Variants in TLK2 observed in about 807,000 individuals in gnomAD.
The protein encoded by TLK2 is tousled like kinase 2.
A neutral mutation model predicts 117.3 loss-of-function variants in TLK2; 6 were observed. That is an observed-to-expected ratio of 0.05 (90% CI 0.03 to 0.10). The LOEUF is 0.10. Ranked by LOEUF, TLK2 falls within the 10% of genes least tolerant of loss-of-function variation. The pLI is 1.00. For synonymous variants in TLK2, 257 were observed against 316.7 expected, an observed-to-expected ratio of 0.81 and a Z score of 2.00; for missense variants, 299 against 901.2, an observed-to-expected ratio of 0.33 and a Z score of 8.56.
At chr17:62,558,288 G>T (rs141707079) in intron 9 of TLK2, among the ~76,000 whole-genome samples, 1 of 151,844 alleles carries the variant, frequency 6.6e-6, no homozygotes, top group Non-Finnish European at 1.5e-5. Flanking sequence ...TCAGCCTCCC[G>T]AACAGCTGGC....
At chr17:62,501,839 C>T (rs1465011257) in intron 2 of TLK2, among the ~76,000 whole-genome samples, 2 of 151,778 alleles carry the variant, frequency 1.3e-5, no homozygotes, top group Admixed American at 6.6e-5. Context: ...TGGTGGTGCA[C>T]GCCTGTGGTC....
chr17:62,484,383 G>A (rs1457868416), intron 2 of TLK2, among the ~76,000 whole-genome samples: 1 of 151,574 alleles, frequency 6.6e-6, no homozygotes, highest in African/African-American at 2.4e-5. Flanking sequence ...TGCAACCTCC[G>A]CTTCCTGGGT....
chr17:62,564,259 CG>C (rs1374804831), intron 10 of TLK2, among the ~76,000 whole-genome samples: 1 of 151,752 alleles, frequency 6.6e-6, no homozygotes, highest in African/African-American at 2.4e-5. Context: ...AAAAATTGGC[CG>C]GGTGTGGTGG....
upstream of TLK2, chr17:62,477,678 C>T (rs1022963845): frequency 2.6e-5 from 4 of 152,232 alleles, no homozygotes; most frequent in East Asian, 1.9e-4. Context: ...ATCAAGGCAG[C>T]ATCCGCGGAA....
At chr17:62,545,548 C>A (rs372361506) in intron 7 of TLK2, among the ~76,000 whole-genome samples, 2 of 151,874 alleles carry the variant, frequency 1.3e-5, no homozygotes, top group African/African-American at 4.8e-5. Flanking sequence ...ACCCAGGAGA[C>A]GGAGGTTGCA....
chr17:62,531,716 A>T (rs746487618), intron 6 of TLK2, among the ~76,000 whole-genome samples: 1 of 152,044 alleles, frequency 6.6e-6, no homozygotes, highest in Non-Finnish European at 1.5e-5. Flanking sequence ...TACCTCTTTT[A>T]TATACCACTT....
intron 2 of TLK2, among the ~76,000 whole-genome samples, chr17:62,482,419 G>A (rs1294691794): frequency 6.6e-6 from 1 of 150,830 alleles, no homozygotes; most frequent in Admixed American, 6.6e-5. Context: ...GGGTCTCACA[G>A]TTTTGGTGAG....
chr17:62,504,654 T>TA (rs1205812542), intron 2 of TLK2, among the ~76,000 whole-genome samples: 2 of 151,880 alleles, frequency 1.3e-5, no homozygotes, highest in Non-Finnish European at 2.9e-5. Flanking sequence ...AAAATTAAAT[T>TA]AAAAAAAGCC....
chr17:62,573,081 A>G (rs2080441272), intron 11 of TLK2, 134 bp from the exon 12 acceptor site: 1 of 989,968 alleles, frequency 1.0e-6, no homozygotes, highest in Non-Finnish European at 1.5e-6. Context: ...TGAAGTTAAA[A>G]TCAAATCTCT....
intron 2 of TLK2, among the ~76,000 whole-genome samples, chr17:62,509,828 G>A (rs1015836538): frequency 1.3e-5 from 2 of 152,192 alleles, no homozygotes; most frequent in African/African-American, 4.8e-5. Flanking sequence ...TCTACTTTGT[G>A]AGGATGTAGG....
intron 17 of TLK2, chr17:62,597,128 C>T (rs1233691436): frequency 6.4e-6 from 1 of 155,994 alleles, no homozygotes; most frequent in Non-Finnish European, 1.4e-5. Flanking sequence ...TTTTCACCAT[C>T]TCAAACCCCA....
At chr17:62,475,633 C>T (rs1404741482), upstream of TLK2, among the ~76,000 whole-genome samples, 1 of 152,102 alleles carries the variant, frequency 6.6e-6, no homozygotes, top group Non-Finnish European at 1.5e-5. Context: ...GTGTGAGCCA[C>T]CGCGCCAGGC....
chr17:62,609,890 GC>G (rs1315762306), intron 21 of TLK2, among the ~76,000 whole-genome samples: 2 of 152,190 alleles, frequency 1.3e-5, no homozygotes, highest in African/African-American at 4.8e-5. Flanking sequence ...AATAGCCACT[GC>G]ACTCCAGCCT....
At chr17:62,564,956 A>G (rs2079630995) in intron 10 of TLK2, 45 bp from the exon 11 acceptor site, 2 of 1,576,700 alleles carry the variant, frequency 1.3e-6, no homozygotes, top group South Asian at 2.4e-5. Context: ...GTCTTTATCC[A>G]TGCTAATTGG....
chr17:62,480,389 GTCC>G lies in TLK2; in HGVS notation c.-5-727_-5-725del, dbSNP rs542542664. Among the ~76,000 whole-genome samples the G allele has an allele frequency of 3.0e-4, 46 of 152,284 alleles. 1 individual carries two copies. Among genetic ancestry groups the G allele is most frequent in the African/African-American group, 1.1e-3 (46 of 41,562 alleles). ...TTGGTTATGGAAGTTTAAAAATGGT[GTCC>G]TCCTGCCCCTCCCTGCTTGGAAGAA... On this transcript the variant is annotated intron_variant, in intron 1 of 21. Coordinates refer to ENST00000346027, the MANE Select transcript of TLK2 (RefSeq NM_006852.6).
chr17:62,527,992 C>T (rs1282002267), intron 6 of TLK2, among the ~76,000 whole-genome samples: 30 of 152,166 alleles, frequency 2.0e-4, no homozygotes, highest in Non-Finnish European at 4.0e-4. Flanking sequence ...CCGCCCGCCT[C>T]GGCCTCCCAA....
At chr17:62,597,404 T>G (rs2082559093) in intron 17 of TLK2, 1 of 152,250 alleles carries the variant, frequency 6.6e-6, no homozygotes, top group Admixed American at 6.5e-5. Flanking sequence ...TATAACGGTT[T>G]GATAACCAGC....
chr17:62,552,559 T>C (rs1567905351), intron 8 of TLK2, among the ~76,000 whole-genome samples, 162 bp downstream of exon 8: 1 of 152,214 alleles, frequency 6.6e-6, no homozygotes, highest in African/African-American at 2.4e-5. Context: ...GTATTTAAAG[T>C]CCTTTGGAAG....
At chr17:62,550,252 A>G (rs1415960316) in intron 7 of TLK2, 1 of 152,322 alleles carries the variant, frequency 6.6e-6, no homozygotes, top group East Asian at 1.9e-4. Flanking sequence ...AAGTGCTGGG[A>G]TTACAGACAT....
Sources: gnomAD v4.1 joint callset for allele counts (sites outside exome capture counted in the v4.1 genomes callset) on GRCh38, gnomAD v4.1.1 for gene constraint, MANE v1.5 for transcripts, NCBI Gene and HGNC (gene_info 2026-07-23, HGNC 2026-07-21) for gene names.